SERPINE2: variants seen among roughly 807,000 people sequenced by gnomAD.
SERPINE2 encodes the protein glia-derived nexin.
SERPINE2 carries 14 observed loss-of-function variants against 36.3 expected under a neutral mutation model. The observed-to-expected ratio is 0.39, with a 90% CI of 0.25 to 0.60. SERPINE2 has a LOEUF of 0.60. Ranked by LOEUF, SERPINE2 falls within the 20% of genes least tolerant of loss-of-function variation. SERPINE2 has a pLI of 0.57. For missense variants in SERPINE2, 418 were observed against 499.6 expected (o/e 0.84, Z 1.56); for synonymous variants, 192 against 191.8 (o/e 1.00, Z -0.01).
At chr2:224,013,796 G>A (rs1361566531) in intron 1 of SERPINE2, 2 of 152,284 alleles carry the variant, frequency 1.3e-5, no homozygotes, top group Non-Finnish European at 2.9e-5. Context: ...TCAGGAGGCT[G>A]GGGCTCCTCT....
chr2:224,010,353 G>A lies in SERPINE2; in HGVS notation c.-22-8431C>T, dbSNP rs547400013. The stretch of plus-strand genomic sequence containing the variant: ...ATGTTTAGGAAATACCTTTTCAGCC[G>A]CTGAAAAGTATGGCAGCAACATCCA... On this transcript the variant is annotated intron_variant, in intron 1 of 8. Transcript: ENST00000409304. 72 of 985,164 alleles carry A rather than the reference G, an allele frequency of 7.3e-5. No homozygotes were observed. The East Asian group carries it at 7.9e-4, about 11-fold the overall frequency. 61.0% of individuals were successfully genotyped at this position (985,164 alleles called of 1,614,324 possible). A position where few individuals can be genotyped will look rare whatever the true frequency, so the allele number is the denominator to read the frequency against.
intron 1 of SERPINE2, chr2:224,010,342 C>A (rs1691581501): frequency 1.0e-6 from 1 of 984,968 alleles, no homozygotes; most frequent in Non-Finnish European, 1.2e-6. Flanking sequence ...TTAGGAAATA[C>A]CTTTTCAGCC....
At chr2:224,002,254 G>C (rs1171655113) in intron 1 of SERPINE2, among the ~76,000 whole-genome samples, 2 of 151,876 alleles carry the variant, frequency 1.3e-5, no homozygotes, top group African/African-American at 4.8e-5. Flanking sequence ...TGGGATTACA[G>C]GTGTGAGCCA....
chr2:223,990,091 G>T (rs867817361), intron 4 of SERPINE2, among the ~76,000 whole-genome samples: 16 of 152,088 alleles, frequency 1.1e-4, no homozygotes, highest in Non-Finnish European at 1.9e-4. Flanking sequence ...ACTCTGTAAG[G>T]GGGGGCTTGG....
At position 224,001,935 on chromosome 2, in the gene SERPINE2, G is replaced by A; in HGVS notation, c.-22-13C>T. 5.0e-6 allele frequency: 8 copies of A among 1,585,304 alleles called. No individual in the cohort carries two copies. Among genetic ancestry groups the A allele is most frequent in the Admixed American group, 1.8e-5 (1 of 55,726 alleles). On this transcript the variant is annotated splice_polypyrimidine_tract_variant and intron_variant, in intron 1 of 8. Coordinates refer to ENST00000409304, the MANE Select transcript of SERPINE2 (RefSeq NM_001136528.2). ...CACCAAGGACGACCTGGAAAAGTAA[G>A]TTAAAAAATATTTAAATTATACTTA... is the stretch of plus-strand genomic sequence containing the variant.
chr2:224,038,556 G>C, intron 1 of SERPINE2: 4 of 1,540,930 alleles, frequency 2.6e-6, no homozygotes, highest in Non-Finnish European at 3.5e-6. Context: ...AGACCTGCTC[G>C]CTCGGGTTAA....
chr2:224,038,565 A>G, intron 1 of SERPINE2: 3 of 1,521,310 alleles, frequency 2.0e-6, no homozygotes, highest in Non-Finnish European at 2.7e-6. Context: ...CGCTCGGGTT[A>G]AATCGGCTGC....
chr2:223,997,921 C>G (rs1463173049), intron 3 of SERPINE2, among the ~76,000 whole-genome samples, 194 bp downstream of exon 3: 2 of 152,188 alleles, frequency 1.3e-5, no homozygotes, highest in East Asian at 3.8e-4. Context: ...ACAGGAGAAA[C>G]ACCTCCCAGG....
chr2:223,976,459 G>A (rs989533586), intron 8 of SERPINE2, among the ~76,000 whole-genome samples: 72 of 152,228 alleles, frequency 4.7e-4, no homozygotes, highest in African/African-American at 1.7e-3. Flanking sequence ...ACCAGAAATT[G>A]AATTTTTAAA....
chr2:224,018,006 T>C (rs1691858775), intron 1 of SERPINE2, among the ~76,000 whole-genome samples: 1 of 152,228 alleles, frequency 6.6e-6, no homozygotes, highest in Admixed American at 6.5e-5. Flanking sequence ...TCTTTGTTAT[T>C]AGAGGGAGTC....
chr2:224,009,702 A>AC (rs1472954630), intron 1 of SERPINE2, among the ~76,000 whole-genome samples: 2 of 152,004 alleles, frequency 1.3e-5, no homozygotes, highest in Non-Finnish European at 2.9e-5. Flanking sequence ...CTCAAAAAAA[A>AC]AACAACAACA....
In SERPINE2 at chr2:223,980,603, C is replaced by T; in HGVS notation, c.986-206G>A. On this transcript the variant is annotated intron_variant, in intron 6 of 8. Coordinates refer to ENST00000409304, the MANE Select transcript of SERPINE2 (RefSeq NM_001136528.2). ...TCCCTGCTAAGTGAACTGTGATACT[C>T]ACTTCTGGAGAAGGGCCCAGGCCCT... The T allele has an allele frequency of 5.6e-6, 3 of 539,154 alleles. No homozygotes were observed. In the East Asian group the frequency reaches 9.7e-5, roughly 17 times the overall value. The allele number at this position is 539,154 out of a possible 1,614,324, so 33.4% of individuals were successfully genotyped here.
chr2:223,983,876 A>C (rs1690325418), intron 5 of SERPINE2, among the ~76,000 whole-genome samples: 1 of 151,608 alleles, frequency 6.6e-6, no homozygotes, highest in Admixed American at 6.6e-5. Context: ...TATAATGGTA[A>C]AGAACCTGTT....
chr2:224,017,245 C>G (rs7601097), intron 1 of SERPINE2, among the ~76,000 whole-genome samples: 143,845 of 152,248 alleles, frequency 0.94, 68,304 homozygotes, highest in Non-Finnish European at 0.99. Context: ...AAAGGGTACA[C>G]GAGAGCTCTC....
At chr2:223,992,047 T>A in intron 3 of SERPINE2, 47 bp from the exon 4 acceptor site, 3 of 1,551,812 alleles carry the variant, frequency 1.9e-6, no homozygotes, top group South Asian at 1.1e-5. Context: ...TCAGGACTGG[T>A]GGCCGGCTTG....
At chr2:223,980,432 T>C in intron 6 of SERPINE2, 35 bp from the exon 7 acceptor site, 3 of 1,577,346 alleles carry the variant, frequency 1.9e-6, no homozygotes, top group Non-Finnish European at 2.6e-6. Flanking sequence ...TCAGCATTTG[T>C]TTGATAGGCA....
At chr2:224,003,403 T>C (rs1173753286) in intron 1 of SERPINE2, among the ~76,000 whole-genome samples, 1 of 152,190 alleles carries the variant, frequency 6.6e-6, no homozygotes, top group African/African-American at 2.4e-5. Context: ...TTGCTCTGAT[T>C]ATCTTATAAC....
In SERPINE2 at chr2:223,998,249, T is replaced by G. The variant is rs759441644; in HGVS notation, c.353A>C (p.Asn118Thr). The G allele has an allele frequency of 2.7e-5, 44 of 1,614,076 alleles. No homozygotes were observed. The highest frequency in any genetic ancestry group is 3.7e-5 in the Non-Finnish European group (44 of 1,180,022). Residue 118 changes from asparagine (N) to threonine (T), a missense_variant, in exon 3 of 9, where the codon AAT becomes ACT. Transcript: ENST00000409304. ...VTVANAVFVK[N>T]ASEIEVPFVT... is the part of the protein sequence containing the mutation. ...AAAAGGCACTTCAATTTCAGAGGCA[T>G]TCTTAACAAACACGGCGTTAGCCAC...
At chr2:223,990,919 G>A (rs980135920) in intron 4 of SERPINE2, among the ~76,000 whole-genome samples, 4 of 152,160 alleles carry the variant, frequency 2.6e-5, no homozygotes, top group East Asian at 1.9e-4. Context: ...TCGAGGCTGC[G>A]GTGAGCCATG....
Sources: allele counts gnomAD v4.1 joint callset (sites outside exome capture counted in the v4.1 genomes callset), GRCh38; gene constraint gnomAD v4.1.1; transcripts MANE v1.5; gene names NCBI Gene and HGNC (gene_info 2026-07-23, HGNC 2026-07-21).